HERC3: variants seen among roughly 807,000 people sequenced by gnomAD.
HERC3 encodes probable E3 ubiquitin-protein ligase HERC3.
Under a neutral mutation model 129.9 loss-of-function variants are expected in HERC3, and 58 were observed. The ratio of observed to expected loss-of-function variants is 0.45; its 90% CI spans 0.36 to 0.56. HERC3 has a LOEUF of 0.56. HERC3 is among the 20% of genes least tolerant of loss of function. The pLI is 0.00. For missense variants in HERC3, 835 were observed against 1,244.2 expected (o/e 0.67, Z 4.95); for synonymous variants, 430 against 451.0 (o/e 0.95, Z 0.59).
At chr4:88,547,186 C>T in the HERC3 span, among the ~76,000 whole-genome samples, 2 of 152,108 alleles carry the variant, frequency 1.3e-5, no homozygotes, top group Non-Finnish European at 2.9e-5. Flanking sequence ...TATCACTACT[C>T]TAGTGAAATT....
chr4:88,529,246 T>C, the HERC3 span, among the ~76,000 whole-genome samples: 1 of 152,186 alleles, frequency 6.6e-6, no homozygotes, highest in East Asian at 1.9e-4. Flanking sequence ...GGAGGATTGC[T>C]TGAGGCCAGG....
chr4:88,688,269 A>G (rs1733692090), intron 23 of HERC3, among the ~76,000 whole-genome samples: 1 of 152,186 alleles, frequency 6.6e-6, no homozygotes, highest in Non-Finnish European at 1.5e-5. Context: ...GTACTGGTGT[A>G]CGGATGAAGG....
At position 88,655,989 on chromosome 4, in the gene HERC3, C is replaced by G; in HGVS notation, c.1023C>G (p.Val341=). The G allele has an allele frequency of 1.2e-6, 2 of 1,614,116 alleles. No individual in the cohort carries two copies. Among genetic ancestry groups the G allele is most frequent in the Non-Finnish European group, 1.7e-6 (2 of 1,179,982 alleles). ...HTCNVKCPSP[V]KGYWAAHSGQ... ...GTAATGTTAAGTGCCCATCTCCTGT[C>G]AAGGGTTACTGGGCTGCCCACAGTG... is the stretch of plus-strand genomic sequence containing the variant. The change falls in exon 9 of 26, where the codon GTC becomes GTG. Residue 341 remains valine (V), a synonymous_variant. Transcript: ENST00000402738.
At chr4:88,548,948 A>C in the HERC3 span, among the ~76,000 whole-genome samples, 3,580 of 152,296 alleles carry the variant, frequency 0.024, 59 homozygotes, top group Non-Finnish European at 0.036. Context: ...GGCGTGAGCC[A>C]CTGCGCCCGG....
the HERC3 span, among the ~76,000 whole-genome samples, chr4:88,586,343 C>CTT: frequency 2.8e-5 from 4 of 142,538 alleles, no homozygotes; most frequent in Non-Finnish European, 4.6e-5. Context: ...GAATAAGCCA[C>CTT]TTTTTTTTTT....
At chr4:88,623,758 A>AT (rs902730807) in intron 3 of HERC3, among the ~76,000 whole-genome samples, 4 of 152,300 alleles carry the variant, frequency 2.6e-5, no homozygotes, top group African/African-American at 9.6e-5. Context: ...TAAAGCATAT[A>AT]TTTTTTGGTG....
the HERC3 span, among the ~76,000 whole-genome samples, chr4:88,570,256 C>A: frequency 1.3e-5 from 2 of 152,032 alleles, no homozygotes; most frequent in Non-Finnish European, 1.5e-5. Context: ...CAGTTGTTTT[C>A]ATTTTTCTCA....
intron 10 of HERC3, among the ~76,000 whole-genome samples, chr4:88,660,449 C>G (rs534501913): frequency 1.5e-4 from 23 of 152,068 alleles, no homozygotes; most frequent in Non-Finnish European, 3.1e-4. Context: ...AGTGATCTAC[C>G]CTCCTCGGCC....
chr4:88,686,875 GTTC>G (rs1733536072), intron 22 of HERC3, 73 bp downstream of exon 22: 19 of 1,092,228 alleles, frequency 1.7e-5, no homozygotes, highest in Middle Eastern at 2.0e-4. Flanking sequence ...TTTAACATTA[GTTC>G]TTCTTCAAAT....
intron 2 of HERC3, among the ~76,000 whole-genome samples, chr4:88,604,992 T>A (rs17014254): frequency 1.3e-5 from 2 of 152,176 alleles, no homozygotes; most frequent in South Asian, 4.1e-4. Flanking sequence ...TAAAAGGTAA[T>A]GAAACTTTAG....
chr4:88,542,887 G>A, the HERC3 span, among the ~76,000 whole-genome samples: 3 of 152,062 alleles, frequency 2.0e-5, no homozygotes, highest in African/African-American at 4.8e-5. Context: ...AAATCCAACA[G>A]CCCTTCATGC....
intron 3 of HERC3, among the ~76,000 whole-genome samples, chr4:88,639,057 G>A (rs1727773958): frequency 6.6e-6 from 1 of 152,202 alleles, no homozygotes; most frequent in African/African-American, 2.4e-5. Context: ...CCTCTTCAAG[G>A]AGAACTACAA....
Position 88,668,075 on chromosome 4 carries a change from G to T in HERC3, c.1627G>T (p.Val543Leu), listed in dbSNP as rs1731229644. 1 of 1,612,062 alleles carries T rather than the reference G, an allele frequency of 6.2e-7. No individual in the cohort carries two copies. Among genetic ancestry groups the T allele is most frequent in the Non-Finnish European group, 8.5e-7 (1 of 1,178,720 alleles). The part of the protein sequence containing the change: ...ILRLDTNPSK[V>L]LDNWWSQVCP... ...TCGGCTGGATACAAACCCCAGCAAAGTACTAGGTGAATTTGCTAACCTCGA... is the reference window on the plus strand; with the variant it reads ...TCGGCTGGATACAAACCCCAGCAAATTACTAGGTGAATTTGCTAACCTCGA... The change falls in exon 14 of 26, where the codon GTA becomes TTA. Residue 543 changes from valine to leucine, a missense_variant. Transcript: ENST00000402738.
the HERC3 span, among the ~76,000 whole-genome samples, chr4:88,553,923 G>A: frequency 6.6e-6 from 1 of 152,242 alleles, no homozygotes. Context: ...TCGCGCCACT[G>A]CACTTACTAC....
intron 3 of HERC3, among the ~76,000 whole-genome samples, chr4:88,634,521 C>T (rs965632380): frequency 3.3e-5 from 5 of 152,174 alleles, no homozygotes; most frequent in African/African-American, 1.2e-4. Flanking sequence ...GAGGGATGGC[C>T]GTAGTCTCTG....
the HERC3 span, among the ~76,000 whole-genome samples, chr4:88,579,224 A>ATTATATATATATAT: frequency 7.3e-6 from 1 of 137,234 alleles, no homozygotes; most frequent in African/African-American, 2.9e-5. Flanking sequence ...TCTACTAAAA[A>ATTATATATATATAT]AAAAAAAAAT....
chr4:88,685,621 G>T (rs542985250), intron 21 of HERC3, among the ~76,000 whole-genome samples: 1 of 152,230 alleles, frequency 6.6e-6, no homozygotes, highest in East Asian at 1.9e-4. Flanking sequence ...GAACGGGAGG[G>T]AGAGCATTAG....
chr4:88,580,761 G>T, the HERC3 span, among the ~76,000 whole-genome samples: 1 of 152,142 alleles, frequency 6.6e-6, no homozygotes, highest in South Asian at 2.1e-4. Context: ...TCTTCTATGA[G>T]AGAATGGCCA....
rs1380089676 is a variant in HERC3, at chr4:88,706,945, G to A, written c.3138G>A (p.Gly1046=). 6.2e-7 allele frequency: 1 copy of A among 1,614,042 alleles called. No individual in the cohort carries two copies. Among genetic ancestry groups the A allele is most frequent in the East Asian group, 2.2e-5 (1 of 44,872 alleles). Residue 1046 remains glycine (G), a synonymous_variant, in exon 26 of 26, where the codon GGG becomes GGA. Coordinates refer to ENST00000402738, the MANE Select transcript of HERC3 (RefSeq NM_014606.3). ...RLTQALDNYE[G]FSLA is the part of the protein sequence containing the mutation. ...CCCAGGCCCTTGACAACTATGAAGG[G>A]TTTAGTTTGGCCTGAGGCTTCTCAG...
Sources: allele counts gnomAD v4.1 joint callset (sites outside exome capture counted in the v4.1 genomes callset), GRCh38; gene constraint gnomAD v4.1.1; transcripts MANE v1.5; gene names NCBI Gene and HGNC (gene_info 2026-07-23, HGNC 2026-07-21).